CD34: variants seen among roughly 807,000 people sequenced by gnomAD.
CD34 encodes the protein CD34 molecule.
Under a neutral mutation model 40.1 loss-of-function variants are expected in CD34, and 34 were observed. The observed-to-expected ratio is 0.85, with a 90% CI of 0.65 to 1.13. The LOEUF (loss-of-function observed/expected upper bound fraction) is 1.13, where lower values mean the gene tolerates loss of function less well. Ranked by LOEUF, CD34 falls within the 50% of genes most tolerant of loss-of-function variation. The pLI, the probability that CD34 is intolerant of heterozygous loss-of-function variation, is 0.00. For missense variants in CD34, 426 were observed against 466.9 expected (o/e 0.91, Z 0.81); for synonymous variants, 209 against 190.0 (o/e 1.10, Z -0.82).
rs1020831010 is a variant in CD34, at chr1:207,899,818, T to C, written c.262+3A>G. On this transcript the variant is annotated splice_donor_region_variant and intron_variant, in intron 2 of 7. Transcript: ENST00000310833. ...CGGGATCTGACACAAATGCTGTTTT[T>C]ACCTGTGATGTTTGTTGTGGCCTCA... The C allele has an allele frequency of 1.9e-6, 3 of 1,607,882 alleles. No individual in the cohort carries two copies. Among genetic ancestry groups the C allele is most frequent in the African/African-American group, 1.3e-5 (1 of 74,790 alleles).
At position 207,886,593 on chromosome 1, in the gene CD34, A is replaced by G. The variant is rs1661899943; in HGVS notation, c.*1145T>C. ...TTAAACACATCACTTTGTATTCAGA[A>G]AAAATATCTACCCAATACTCTCTTC... is the stretch of plus-strand genomic sequence containing the variant. On this transcript the variant is annotated 3_prime_UTR_variant, in exon 8 of 8. Transcript: ENST00000310833. The G allele has an allele frequency of 6.6e-6, 1 of 152,626 alleles. No homozygotes were observed. The highest frequency in any genetic ancestry group is 2.4e-5 in the African/African-American group (1 of 41,452). 9.5% of individuals were successfully genotyped at this position (152,626 alleles called of 1,614,324 possible). A position where few individuals can be genotyped will look rare whatever the true frequency, so the allele number is the denominator to read the frequency against.
intron 4 of CD34, among the ~76,000 whole-genome samples, chr1:207,895,955 T>A (rs188878998): frequency 7.2e-5 from 11 of 152,234 alleles, no homozygotes; most frequent in African/African-American, 2.4e-4. Flanking sequence ...GCAGACTGCA[T>A]TTAGTTATTC....
chr1:207,900,262 T>C (rs1211411961), intron 1 of CD34, among the ~76,000 whole-genome samples: 1 of 152,286 alleles, frequency 6.6e-6, no homozygotes, highest in Admixed American at 6.5e-5. Flanking sequence ...CGTGAACAAC[T>C]AAATGAATTA....
chr1:207,888,132 G>C, intron 7 of CD34: 3 of 1,613,862 alleles, frequency 1.9e-6, no homozygotes, highest in Non-Finnish European at 2.5e-6. Context: ...GAGGAGAAAG[G>C]ACATAGGAGA....
At chr1:207,908,521 A>T (rs1364270109) in intron 1 of CD34, among the ~76,000 whole-genome samples, 1 of 152,168 alleles carries the variant, frequency 6.6e-6, no homozygotes, top group Non-Finnish European at 1.5e-5. Context: ...GTAGCCCTGG[A>T]CAGGATATGG....
chr1:207,898,275 C>T (rs532251565), intron 3 of CD34, among the ~76,000 whole-genome samples: 1 of 152,190 alleles, frequency 6.6e-6, no homozygotes, highest in Non-Finnish European at 1.5e-5. Flanking sequence ...GAACTCCTGA[C>T]CTCAAGTGAT....
At chr1:207,903,449 TACA>T (rs1662318599) in intron 1 of CD34, among the ~76,000 whole-genome samples, 1 of 152,222 alleles carries the variant, frequency 6.6e-6, no homozygotes, top group Non-Finnish European at 1.5e-5. Context: ...AGAATTATAG[TACA>T]ATTTAAAGTT....
chr1:207,888,775 T>G lies in CD34; in HGVS notation c.879A>C (p.Ala293=). The change falls in exon 7 of 8, where the codon GCA becomes GCC. Residue 293 remains alanine, a synonymous_variant. Coordinates refer to ENST00000310833, the MANE Select transcript of CD34 (RefSeq NM_001025109.2). ...CCAGCAGGGCTCCCGAGGTGACCAG[T>G]GCAATCAGGGTCTTTTGGGAATAGC... ...HQSYSQKTLI[A]LVTSGALLAV... is the part of the protein sequence containing the mutation. 1 of 1,614,154 alleles carries G rather than the reference T, an allele frequency of 6.2e-7. No individual in the cohort carries two copies. The highest frequency in any genetic ancestry group is 8.5e-7 in the Non-Finnish European group (1 of 1,179,994).
chr1:207,889,828 C>A (rs759763278), intron 4 of CD34: 1 of 1,577,306 alleles, frequency 6.3e-7, no homozygotes, highest in South Asian at 1.2e-5. Context: ...CTCCCAGGAC[C>A]AAAATCCATA....
intron 1 of CD34, among the ~76,000 whole-genome samples, chr1:207,908,880 G>A (rs986252533): frequency 1.3e-5 from 2 of 152,144 alleles, no homozygotes; most frequent in African/African-American, 2.4e-5. Context: ...GCTCTTTGTT[G>A]GGGTAAATGA....
intron 6 of CD34, 39 bp from the exon 7 acceptor site, chr1:207,888,885 C>T (rs1342228088): frequency 6.2e-7 from 1 of 1,605,212 alleles, no homozygotes; most frequent in Non-Finnish European, 8.5e-7. Flanking sequence ...CTGTCACTTG[C>T]CAAAAGTGGA....
chr1:207,902,417 A>G (rs923168048), intron 1 of CD34, among the ~76,000 whole-genome samples: 2 of 152,212 alleles, frequency 1.3e-5, no homozygotes, highest in Non-Finnish European at 2.9e-5. Flanking sequence ...GGTTGATCAA[A>G]ATAAATTGAT....
chr1:207,887,241 G>A lies in CD34; in HGVS notation c.*497C>T, dbSNP rs185487928. ...TGAGGGAAGTGGTTCAAGGCAACACGTTTTTCTGGCTATATCATTACAAGA... is the reference window on the plus strand; with the variant it reads ...TGAGGGAAGTGGTTCAAGGCAACACATTTTTCTGGCTATATCATTACAAGA... On this transcript the variant is annotated 3_prime_UTR_variant, in exon 8 of 8. Transcript: ENST00000310833. 480 of 157,030 alleles carry A rather than the reference G, an allele frequency of 3.1e-3. 5 individuals carry two copies. The highest frequency in any genetic ancestry group is 0.022 in the South Asian group (114 of 5,154). 9.7% of individuals were successfully genotyped at this position (157,030 alleles called of 1,614,324 possible).
chr1:207,887,872 C>A lies in CD34; in HGVS notation c.1024G>T (p.Gly342Ter), dbSNP rs1240469316. The A allele has an allele frequency of 4.3e-6, 7 of 1,614,068 alleles. No individual in the cohort carries two copies. The African/African-American group carries it at 9.3e-5, about 22-fold the overall frequency. The stretch of plus-strand genomic sequence containing the variant: ...TGAGCCTCAGGGGAGGTCCCAGGTC[C>A]TGAGCTATAGCCCTGGCCTCCACCG... ...ENGGGQGYSS[G>*]PGTSPEAQGK... Residue 342 changes from glycine to a stop codon, truncating the protein, a stop_gained, in exon 8 of 8, where the codon GGA becomes TGA. Transcript: ENST00000310833. LOFTEE classifies it high-confidence loss of function.
At chr1:207,889,308 G>A (rs545026940) in intron 5 of CD34, 95 bp from the exon 6 acceptor site, 2 of 1,595,104 alleles carry the variant, frequency 1.3e-6, no homozygotes, top group East Asian at 4.5e-5. Context: ...CTGATGGCCA[G>A]GGTGGTCCAT....
chr1:207,908,560 A>G (rs527291386), intron 1 of CD34, among the ~76,000 whole-genome samples: 73 of 152,356 alleles, frequency 4.8e-4, no homozygotes, highest in African/African-American at 1.6e-3. Context: ...CGAAGGACCC[A>G]AAGGAAGAAG....
intron 1 of CD34, among the ~76,000 whole-genome samples, chr1:207,901,097 T>C (rs1662264224): frequency 6.6e-6 from 1 of 151,540 alleles, no homozygotes; most frequent in Non-Finnish European, 1.5e-5. Flanking sequence ...CTTAAGCTCC[T>C]GGCCTCAAGT....
chr1:207,911,057 G>A lies in CD34; in HGVS notation c.24C>T (p.Arg8=). 1 of 1,591,064 alleles carries A rather than the reference G, an allele frequency of 6.3e-7. No individual in the cohort carries two copies. Among genetic ancestry groups the A allele is most frequent in the Non-Finnish European group, 8.5e-7 (1 of 1,172,268 alleles). ...AGCCCCGCGGCATCCTGGGCCCTGC[G>A]CGCGCGCCCCTGCGGACCAGCATCC... is the stretch of plus-strand genomic sequence containing the variant. The part of the protein sequence containing the change: MLVRRGA[R]AGPRMPRGWT... The change falls in exon 1 of 8, where the codon CGC becomes CGT. Residue 8 remains arginine (R), a synonymous_variant. Transcript: ENST00000310833.
At chr1:207,889,325 G>A in intron 5 of CD34, 112 bp from the exon 6 acceptor site, 2 of 1,562,438 alleles carry the variant, frequency 1.3e-6, no homozygotes, top group South Asian at 1.2e-5. Flanking sequence ...CCATCTCGGG[G>A]GGACCGCTCC....
Sources: gnomAD v4.1 joint callset for allele counts (sites outside exome capture counted in the v4.1 genomes callset) on GRCh38, gnomAD v4.1.1 for gene constraint, MANE v1.5 for transcripts, NCBI Gene and HGNC (gene_info 2026-07-23, HGNC 2026-07-21) for gene names.